Variants in ZBTB20 observed in about 807,000 individuals in gnomAD.
The protein encoded by ZBTB20 is zinc finger and BTB domain containing 20, also known as zinc finger and BTB domain-containing protein 20.
A neutral mutation model predicts 56.9 loss-of-function variants in ZBTB20; 9 were observed. The ratio of observed to expected loss-of-function variants is 0.16; its 90% CI spans 0.10 to 0.28. The LOEUF (loss-of-function observed/expected upper bound fraction) is 0.28, where lower values mean the gene tolerates loss of function less well. Among genes scored for constraint, ZBTB20 ranks in the 10% least tolerant of loss-of-function variants. ZBTB20 has a pLI of 1.00. For missense variants in ZBTB20, 655 were observed against 1,003.0 expected (o/e 0.65, Z 4.69); for synonymous variants, 417 against 420.7 (o/e 0.99, Z 0.11).
intron 4 of ZBTB20, among the ~76,000 whole-genome samples, chr3:114,839,427 GAA>G (rs1425150018): frequency 6.8e-6 from 1 of 147,188 alleles, no homozygotes; most frequent in Admixed American, 6.8e-5. Flanking sequence ...AAGAAAGAAA[GAA>G]AGAAAGAAAG....
rs1010890913 is a variant in ZBTB20 at position 114,380,669 on chromosome 3, A to T, written c.11+108T>A. On this transcript the variant is annotated intron_variant, in intron 9 of 11. Transcript: ENST00000675478. ...CTGCATAAAAAGACCCTGTCCCAGAACTTTAGACAGCTTGAGCTACGTATG... is the reference window on the plus strand; with the variant it reads ...CTGCATAAAAAGACCCTGTCCCAGATCTTTAGACAGCTTGAGCTACGTATG... 2.8e-6 allele frequency: 4 copies of T among 1,410,148 alleles called. No individual in the cohort carries two copies. In the East Asian group the frequency reaches 1.0e-4, roughly 36 times the overall value. 87.4% of individuals were successfully genotyped at this position (1,410,148 alleles called of 1,614,324 possible). A position where few individuals can be genotyped will look rare whatever the true frequency, so the allele number is the denominator to read the frequency against.
At chr3:114,429,044 G>T (rs2089927885) in intron 7 of ZBTB20, among the ~76,000 whole-genome samples, 1 of 152,090 alleles carries the variant, frequency 6.6e-6, no homozygotes, top group South Asian at 2.1e-4. Context: ...AGATAAGTCT[G>T]TATAAAATAT....
chr3:114,698,261 C>T (rs1438760874), intron 5 of ZBTB20, among the ~76,000 whole-genome samples: 1 of 152,008 alleles, frequency 6.6e-6, no homozygotes, highest in African/African-American at 2.4e-5. Flanking sequence ...ACTTTGAAAA[C>T]AGACATGCTA....
chr3:114,847,566 C>T (rs2074774059), intron 4 of ZBTB20, among the ~76,000 whole-genome samples: 1 of 152,094 alleles, frequency 6.6e-6, no homozygotes, highest in South Asian at 2.1e-4. Context: ...TTATCAAGGG[C>T]CTTTTCGTGG....
chr3:114,682,477 G>A (rs1303894523), intron 6 of ZBTB20, among the ~76,000 whole-genome samples: 1 of 152,162 alleles, frequency 6.6e-6, no homozygotes, highest in Non-Finnish European at 1.5e-5. Flanking sequence ...TTCACCCTCA[G>A]TGATAGAGCT....
rs2079046773 is a variant in ZBTB20 at position 114,325,848 on chromosome 3, C to CAA, written c.*13155_*13156dup. The CAA allele has an allele frequency of 6.6e-6, 1 of 152,186 alleles. No individual in the cohort carries two copies. Among genetic ancestry groups the CAA allele is most frequent in the Admixed American group, 6.5e-5 (1 of 15,276 alleles). 9.4% of individuals were successfully genotyped at this position (152,186 alleles called of 1,614,324 possible). On this transcript the variant is annotated 3_prime_UTR_variant, in exon 12 of 12. Transcript: ENST00000675478. ...AGTTGAGTTGAAAACAGTATGCTTTCAAATGAAGTACTACAATTTCCTTTT... is the reference window on the plus strand; with the variant it reads ...AGTTGAGTTGAAAACAGTATGCTTTCAAAAATGAAGTACTACAATTTCCTTTT...
At chr3:114,637,221 A>G (rs912494335) in intron 6 of ZBTB20, among the ~76,000 whole-genome samples, 2 of 152,140 alleles carry the variant, frequency 1.3e-5, no homozygotes, top group African/African-American at 4.8e-5. Flanking sequence ...GTAAACTATT[A>G]TTATGAAGTA....
intron 4 of ZBTB20, among the ~76,000 whole-genome samples, chr3:114,832,697 A>G (rs1363644316): frequency 1.3e-5 from 2 of 152,140 alleles, no homozygotes; most frequent in Non-Finnish European, 2.9e-5. Context: ...AATTTTTTTA[A>G]ATGCACAAAA....
At chr3:114,715,018 A>ATGCTAAAGGG (rs1246939313) in intron 5 of ZBTB20, among the ~76,000 whole-genome samples, 1 of 152,154 alleles carries the variant, frequency 6.6e-6, no homozygotes, top group Admixed American at 6.6e-5. Flanking sequence ...GCATAAGGGG[A>ATGCTAAAGGG]TGCTAAATTC....
chr3:114,984,852 C>T (rs1201722717), intron 2 of ZBTB20, among the ~76,000 whole-genome samples: 1 of 151,992 alleles, frequency 6.6e-6, no homozygotes, highest in Non-Finnish European at 1.5e-5. Flanking sequence ...TCCCTACACA[C>T]CAACTGTTTT....
chr3:115,054,684 A>G (rs2081688619), intron 2 of ZBTB20, among the ~76,000 whole-genome samples: 1 of 152,164 alleles, frequency 6.6e-6, no homozygotes, highest in Non-Finnish European at 1.5e-5. Flanking sequence ...AGATAATACA[A>G]AATCAACTGA....
At chr3:114,828,446 C>T (rs2073667923) in intron 4 of ZBTB20, among the ~76,000 whole-genome samples, 1 of 151,624 alleles carries the variant, frequency 6.6e-6, no homozygotes, top group Non-Finnish European at 1.5e-5. Context: ...TATATACTTT[C>T]CATTTTTGCT....
At chr3:114,534,799 C>T (rs77945724) in intron 6 of ZBTB20, among the ~76,000 whole-genome samples, 1 of 152,178 alleles carries the variant, frequency 6.6e-6, no homozygotes, top group South Asian at 2.1e-4. Flanking sequence ...TCTCTCAGAC[C>T]ACAGTGCAAT....
intron 7 of ZBTB20, among the ~76,000 whole-genome samples, chr3:114,488,118 C>A (rs1026018986): frequency 6.6e-6 from 1 of 152,166 alleles, no homozygotes; most frequent in Admixed American, 6.5e-5. Context: ...CAGGTGAATA[C>A]TTACCACCTC....
intron 4 of ZBTB20, among the ~76,000 whole-genome samples, chr3:114,805,594 A>C (rs2072042930): frequency 6.6e-6 from 1 of 151,824 alleles, no homozygotes; most frequent in African/African-American, 2.4e-5. Context: ...CTTAGTTTTA[A>C]TAAACATAAC....
At chr3:114,908,318 A>C (rs2075395958) in intron 3 of ZBTB20, among the ~76,000 whole-genome samples, 1 of 152,024 alleles carries the variant, frequency 6.6e-6, no homozygotes, top group Non-Finnish European at 1.5e-5. Context: ...TTTCATAAGA[A>C]AGGAACTTAG....
intron 7 of ZBTB20, among the ~76,000 whole-genome samples, chr3:114,440,544 A>G (rs191184228): frequency 1.3e-5 from 2 of 152,252 alleles, no homozygotes; most frequent in East Asian, 3.9e-4. Context: ...CTATTGATAA[A>G]TGTGGTTGCT....
At position 114,596,107 on chromosome 3, in the gene ZBTB20, G is replaced by A. The variant is rs78433149; in HGVS notation, c.-294-95716C>T. Among the ~76,000 whole-genome samples, 25 of 152,004 alleles carry A rather than the reference G, an allele frequency of 1.6e-4. 1 individual carries two copies. Among genetic ancestry groups the A allele is most frequent in the Admixed American group, 9.2e-4 (14 of 15,260 alleles). ...TTGTGTAGCCAAATTTCTCTAACAC[G>A]AGGCTCACACAGAAGCTATAGAGAC... On this transcript the variant is annotated intron_variant, in intron 6 of 11. Coordinates refer to ENST00000675478, the MANE Select transcript of ZBTB20 (RefSeq NM_001348800.3).
At chr3:114,470,356 G>T (rs533348267) in intron 7 of ZBTB20, among the ~76,000 whole-genome samples, 2 of 152,084 alleles carry the variant, frequency 1.3e-5, no homozygotes, top group East Asian at 3.9e-4. Flanking sequence ...GAAAAATTAG[G>T]GTTAAAAATG....
Sources: allele counts gnomAD v4.1 joint callset (sites outside exome capture counted in the v4.1 genomes callset), GRCh38; gene constraint gnomAD v4.1.1; transcripts MANE v1.5; gene names NCBI Gene and HGNC (gene_info 2026-07-23, HGNC 2026-07-21).